The following RNF145 variants were observed in gnomAD, a reference collection of about 807,000 sequenced individuals.
The protein encoded by RNF145 is ring finger protein 145.
In RNF145, 12 loss-of-function variants were observed where a neutral mutation model predicts 57.3. The ratio of observed to expected loss-of-function variants is 0.21; its 90% confidence interval spans 0.13 to 0.34. The LOEUF (loss-of-function observed/expected upper bound fraction) is 0.34, where lower values mean the gene tolerates loss of function less well. RNF145 is among the 10% of genes least tolerant of loss of function. The probability of loss-of-function intolerance (pLI) is 1.00; values close to 1 mark genes in which losing one functional copy is unlikely to be tolerated. For synonymous variants in RNF145, 262 were observed against 288.3 expected, an observed-to-expected ratio of 0.91 and a Z score of 0.92; for missense variants, 429 against 799.0, an observed-to-expected ratio of 0.54 and a Z score of 5.58.
Position 159,158,443 on chromosome 5 carries a change from G to C in RNF145, c.*227C>G. 3.7e-6 allele frequency: 2 copies of C among 540,938 alleles called. No homozygotes were observed. The allele number at this position is 540,938 out of a possible 1,614,324, so 33.5% of individuals were successfully genotyped here. A position where few individuals can be genotyped will look rare whatever the true frequency, so the allele number is the denominator to read the frequency against. ...CACAAACCTCTATAAAACATCAGCA[G>C]AGAACATATAAATACATTTTGATTA... On this transcript the variant is annotated 3_prime_UTR_variant, in exon 11 of 11. Transcript: ENST00000424310.
chr5:159,185,980 T>C (rs1048325721), intron 3 of RNF145, among the ~76,000 whole-genome samples: 2 of 152,028 alleles, frequency 1.3e-5, no homozygotes, highest in Admixed American at 6.6e-5. Context: ...TCCCAGCACT[T>C]TGGGAGGCCG....
At chr5:159,194,174 T>C (rs533390076) in intron 3 of RNF145, among the ~76,000 whole-genome samples, 9 of 152,360 alleles carry the variant, frequency 5.9e-5, no homozygotes, top group African/African-American at 2.2e-4. Context: ...CTTATGCTGA[T>C]TCTTACACAT....
At chr5:159,205,653 A>C (rs1413059757) in intron 1 of RNF145, among the ~76,000 whole-genome samples, 1 of 152,132 alleles carries the variant, frequency 6.6e-6, no homozygotes, top group Non-Finnish European at 1.5e-5. Context: ...TTTGAAAATC[A>C]CCACGTACTG....
At chr5:159,198,687 T>C (rs966018010) in intron 2 of RNF145, among the ~76,000 whole-genome samples, 3 of 152,186 alleles carry the variant, frequency 2.0e-5, no homozygotes, top group East Asian at 3.8e-4. Context: ...GAAATGTCCA[T>C]AGGCTATTTA....
At chr5:159,193,946 T>C (rs988476476) in intron 3 of RNF145, among the ~76,000 whole-genome samples, 6 of 152,210 alleles carry the variant, frequency 3.9e-5, no homozygotes, top group African/African-American at 1.2e-4. Flanking sequence ...CCAAAATATA[T>C]TCCAACCCAC....
intron 6 of RNF145, among the ~76,000 whole-genome samples, chr5:159,171,356 C>T (rs942669320): frequency 5.3e-5 from 8 of 152,082 alleles, no homozygotes; most frequent in Non-Finnish European, 8.8e-5. Context: ...AAGGTCCATA[C>T]TATTTCTCTA....
At chr5:159,185,640 A>G (rs1003979651) in intron 3 of RNF145, among the ~76,000 whole-genome samples, 1 of 152,244 alleles carries the variant, frequency 6.6e-6, no homozygotes, top group Non-Finnish European at 1.5e-5. Flanking sequence ...AACTTTTAAC[A>G]ACAACATATG....
chr5:159,207,399 G>T, intron 1 of RNF145: 1 of 908,790 alleles, frequency 1.1e-6, no homozygotes, highest in Non-Finnish European at 1.6e-6. Context: ...AATGACACGT[G>T]ACCCAACTTA....
At position 159,170,455 on chromosome 5, in the gene RNF145, T is replaced by C. The variant is rs187397970; in HGVS notation, c.798-636A>G. ...CAAAAGTTTGCTATGATACTATTCATAAGGATAACTGGAAGACATTACACT... is the reference window on the plus strand; with the variant it reads ...CAAAAGTTTGCTATGATACTATTCACAAGGATAACTGGAAGACATTACACT... On this transcript the variant is annotated intron_variant, in intron 6 of 10. Coordinates refer to ENST00000424310, the MANE Select transcript of RNF145 (RefSeq NM_001199383.2). Among the ~76,000 whole-genome samples the C allele has an allele frequency of 2.1e-3, 320 of 152,326 alleles. 2 individuals carry two copies. Among genetic ancestry groups the C allele is most frequent in the Non-Finnish European group, 1.9e-3 (128 of 68,020 alleles).
chr5:159,183,823 G>A (rs972217428), intron 3 of RNF145, among the ~76,000 whole-genome samples: 4 of 152,118 alleles, frequency 2.6e-5, no homozygotes, highest in Non-Finnish European at 5.9e-5. Flanking sequence ...GCCAGGGGCT[G>A]GGGAGAAGGG....
chr5:159,179,680 C>T (rs1222382335), intron 4 of RNF145, among the ~76,000 whole-genome samples: 1 of 152,172 alleles, frequency 6.6e-6, no homozygotes, highest in Non-Finnish European at 1.5e-5. Context: ...AGCTTTCTAA[C>T]TTGGCAAATA....
chr5:159,178,950 T>G (rs555071883), intron 4 of RNF145, among the ~76,000 whole-genome samples: 1 of 152,092 alleles, frequency 6.6e-6, no homozygotes, highest in Admixed American at 6.6e-5. Context: ...TTTAAAAAAC[T>G]GATACTAAAG....
At chr5:159,177,507 T>G (rs1784755891) in intron 4 of RNF145, among the ~76,000 whole-genome samples, 1 of 152,060 alleles carries the variant, frequency 6.6e-6, no homozygotes, top group South Asian at 2.1e-4. Flanking sequence ...CCAAAGGTAG[T>G]CCTAAGAACA....
At chr5:159,166,922 G>A (rs1223839907) in intron 8 of RNF145, among the ~76,000 whole-genome samples, 4 of 151,976 alleles carry the variant, frequency 2.6e-5, no homozygotes, top group Non-Finnish European at 5.9e-5. Context: ...CCAGGAGTTC[G>A]AGTCCAGCCT....
chr5:159,188,318 C>T (rs1365137061), intron 3 of RNF145, among the ~76,000 whole-genome samples: 2 of 151,500 alleles, frequency 1.3e-5, no homozygotes, highest in Middle Eastern at 3.4e-3. Context: ...ACCCAGGAGG[C>T]GGAGCTTGCA....
At chr5:159,191,318 T>C (rs1228244080) in intron 3 of RNF145, among the ~76,000 whole-genome samples, 2 of 152,154 alleles carry the variant, frequency 1.3e-5, no homozygotes, top group Non-Finnish European at 2.9e-5. Flanking sequence ...CCTACCTAAG[T>C]GGAATGAACT....
At chr5:159,159,058 A>T (rs768256399) in intron 10 of RNF145, 23 bp from the exon 11 acceptor site, 1 of 1,586,846 alleles carries the variant, frequency 6.3e-7, no homozygotes, top group Non-Finnish European at 8.6e-7. Flanking sequence ...GAAAAAAGAT[A>T]CCTTATAAAT....
At chr5:159,207,984 A>C in intron 1 of RNF145, 1 of 1,566,338 alleles carries the variant, frequency 6.4e-7, no homozygotes, top group South Asian at 1.1e-5. Flanking sequence ...CACACTCCGT[A>C]TTTTAAAAAA....
intron 8 of RNF145, among the ~76,000 whole-genome samples, chr5:159,165,008 G>A (rs947826500): frequency 2.6e-5 from 4 of 152,136 alleles, no homozygotes; most frequent in Admixed American, 6.5e-5. Context: ...TGAGAATTAG[G>A]ACGCTTTTCC....
Sources: allele counts gnomAD v4.1 joint callset (sites outside exome capture counted in the v4.1 genomes callset), GRCh38; gene constraint gnomAD v4.1.1; transcripts MANE v1.5; gene names NCBI Gene and HGNC (gene_info 2026-07-23, HGNC 2026-07-21).